IL1RAPL2: variants seen among roughly 807,000 people sequenced by gnomAD.
IL1RAPL2 encodes the protein interleukin 1 receptor accessory protein like 2.
IL1RAPL2 carries 3 observed loss-of-function variants against 44.1 expected under a neutral mutation model. That is an observed-to-expected ratio of 0.07 (90% CI 0.03 to 0.18). The LOEUF is 0.18. IL1RAPL2 is among the 10% of genes least tolerant of loss of function. The pLI, the probability that IL1RAPL2 is intolerant of heterozygous loss-of-function variation, is 1.00. For missense variants in IL1RAPL2, 391 were observed against 496.4 expected (o/e 0.79, Z 2.02); for synonymous variants, 181 against 178.8 (o/e 1.01, Z -0.10).
intron 2 of IL1RAPL2, among the ~76,000 whole-genome samples, chrX:105,168,847 C>G (rs2033396101): frequency 1.8e-5 from 2 of 110,463 alleles, no homozygotes; most frequent in Non-Finnish European, 3.8e-5. Flanking sequence ...ATGGTAATCT[C>G]ATCCAGACAC....
At chrX:105,092,276 A>G in intron 2 of IL1RAPL2, among the ~76,000 whole-genome samples, 1 of 111,845 alleles carries the variant, frequency 8.9e-6, no homozygotes, top group East Asian at 2.8e-4. Flanking sequence ...TATGTAGGAT[A>G]AATCACTAGA....
chrX:104,611,636 G>T (rs984372067), intron 1 of IL1RAPL2, among the ~76,000 whole-genome samples: 9 of 109,598 alleles, frequency 8.2e-5, no homozygotes, highest in Non-Finnish European at 1.7e-4. Context: ...AGGAGATCCA[G>T]ACCATCCTGG....
At chrX:104,991,974 G>A (rs1323827088) in intron 2 of IL1RAPL2, among the ~76,000 whole-genome samples, 1 of 111,379 alleles carries the variant, frequency 9.0e-6, no homozygotes, top group Non-Finnish European at 1.9e-5. Context: ...ATTTGGACAG[G>A]TGGATGAGGA....
At chrX:104,876,491 C>T (rs930109023) in intron 2 of IL1RAPL2, among the ~76,000 whole-genome samples, 6 of 110,701 alleles carry the variant, frequency 5.4e-5, no homozygotes, top group African/African-American at 1.3e-4. Context: ...TTAATGCTGA[C>T]GTAGTTACTA....
chrX:105,299,511 A>G (rs1418189718), intron 5 of IL1RAPL2, among the ~76,000 whole-genome samples: 1 of 111,618 alleles, frequency 9.0e-6, no homozygotes, highest in Non-Finnish European at 1.9e-5. Flanking sequence ...AGGAAGCTGT[A>G]TTCTCATGCT....
chrX:105,429,813 T>C (rs1000593955), intron 5 of IL1RAPL2, among the ~76,000 whole-genome samples: 2 of 111,494 alleles, frequency 1.8e-5, no homozygotes, highest in Non-Finnish European at 1.9e-5. Flanking sequence ...TTAGCTTGAG[T>C]TTAACCCGTG....
intron 2 of IL1RAPL2, among the ~76,000 whole-genome samples, chrX:104,875,375 A>G (rs1922874860): frequency 1.5e-5 from 1 of 68,593 alleles, no homozygotes; most frequent in South Asian, 1.1e-3. Flanking sequence ...CCCCTACCTC[A>G]AGATGCTTAC....
In IL1RAPL2 at chrX:105,588,852, C is replaced by T. The variant is rs370531918; in HGVS notation, c.772+104465C>T. 6.3e-5 allele frequency among the ~76,000 whole-genome samples: 7 copies of T among 111,700 alleles called. No homozygotes were observed. The East Asian group carries it at 1.7e-3, about 27-fold the overall frequency. ...TGTGAATAGTGTTGCAATGAACATGCGTACATGTGTCTTTATAGTAGAACA... is the reference window on the plus strand; with the variant it reads ...TGTGAATAGTGTTGCAATGAACATGTGTACATGTGTCTTTATAGTAGAACA... On this transcript the variant is annotated intron_variant, in intron 6 of 10. Transcript: ENST00000372582.
chrX:104,619,997 G>A (rs187949968), intron 1 of IL1RAPL2, among the ~76,000 whole-genome samples: 2 of 111,066 alleles, frequency 1.8e-5, no homozygotes, highest in East Asian at 5.7e-4. Flanking sequence ...AGGGAGAGAG[G>A]AAGCATGTAT....
At chrX:104,968,794 TG>T (rs1431454309) in intron 2 of IL1RAPL2, among the ~76,000 whole-genome samples, 2 of 111,302 alleles carry the variant, frequency 1.8e-5, no homozygotes, top group Non-Finnish European at 3.8e-5. Context: ...ATCTAACAAA[TG>T]TTTAAGACCT....
intron 3 of IL1RAPL2, among the ~76,000 whole-genome samples, chrX:105,231,104 G>A (rs1556195200): frequency 8.9e-6 from 1 of 112,107 alleles, no homozygotes; most frequent in Non-Finnish European, 1.9e-5. Flanking sequence ...ACACCATGGA[G>A]CAGATATGAT....
At chrX:104,642,878 G>A (rs1432121894) in intron 1 of IL1RAPL2, among the ~76,000 whole-genome samples, 1 of 111,815 alleles carries the variant, frequency 8.9e-6, no homozygotes, top group Non-Finnish European at 1.9e-5. Context: ...TCATCATAGA[G>A]ACACACTGTA....
chrX:104,770,276 G>C (rs1376324819), intron 2 of IL1RAPL2, among the ~76,000 whole-genome samples: 3 of 111,171 alleles, frequency 2.7e-5, no homozygotes, highest in African/African-American at 9.8e-5. Context: ...TCCATAGCAT[G>C]GTATGATTCT....
chrX:105,592,772 C>G (rs1465992003), intron 6 of IL1RAPL2, among the ~76,000 whole-genome samples: 1 of 111,851 alleles, frequency 8.9e-6, no homozygotes, highest in Non-Finnish European at 1.9e-5. Context: ...TCTCTTCTGG[C>G]TAATAGGGTT....
intron 2 of IL1RAPL2, among the ~76,000 whole-genome samples, chrX:105,149,395 T>C (rs779131689): frequency 1.9e-4 from 21 of 111,961 alleles, no homozygotes; most frequent in Non-Finnish European, 3.2e-4. Flanking sequence ...GTCTGCTGCT[T>C]ATTAGGTATA....
At chrX:104,616,061 T>G (rs1452257028) in intron 1 of IL1RAPL2, among the ~76,000 whole-genome samples, 1 of 87,708 alleles carries the variant, frequency 1.1e-5, no homozygotes, top group Non-Finnish European at 1.9e-5. Context: ...CTTTGCCTAC[T>G]TTTAATGGGG....
intron 5 of IL1RAPL2, among the ~76,000 whole-genome samples, chrX:105,375,128 C>T (rs2035377415): frequency 9.1e-6 from 1 of 110,243 alleles, no homozygotes; most frequent in Admixed American, 9.8e-5. Flanking sequence ...ATTTCTTTCT[C>T]TTGCCTAATT....
At chrX:105,220,965 T>G in intron 3 of IL1RAPL2, among the ~76,000 whole-genome samples, 1 of 111,993 alleles carries the variant, frequency 8.9e-6, no homozygotes, top group East Asian at 2.8e-4. Context: ...CAACGGCTAG[T>G]AGGGACCCCC....
chrX:105,183,248 G>C (rs1048104580), intron 2 of IL1RAPL2, among the ~76,000 whole-genome samples: 1 of 111,286 alleles, frequency 9.0e-6, no homozygotes, highest in African/African-American at 3.3e-5. Flanking sequence ...GAGTAGGCGG[G>C]GGGGCAATGG....
Sources: allele counts gnomAD v4.1 joint callset (sites outside exome capture counted in the v4.1 genomes callset), GRCh38; gene constraint gnomAD v4.1.1; transcripts MANE v1.5; gene names NCBI Gene and HGNC (gene_info 2026-07-23, HGNC 2026-07-21).